The following TNS3 variants were observed in gnomAD, a reference collection of about 807,000 sequenced individuals.
TNS3 encodes tensin-3.
TNS3 carries 45 observed loss-of-function variants against 140.9 expected under a neutral mutation model. That is an observed-to-expected ratio of 0.32 (90% CI 0.25 to 0.41). The LOEUF is 0.41. Among genes scored for constraint, TNS3 ranks in the 10% least tolerant of loss-of-function variants. The pLI is 1.00. For missense variants in TNS3, 1,716 were observed against 1,906.7 expected (o/e 0.90, Z 1.86); for synonymous variants, 815 against 788.4 (o/e 1.03, Z -0.56).
intron 20 of TNS3, among the ~76,000 whole-genome samples, chr7:47,309,942 G>A (rs1275294773): frequency 2.0e-5 from 3 of 152,202 alleles, no homozygotes; most frequent in African/African-American, 7.2e-5. Flanking sequence ...AGGCAGCCAG[G>A]GCTTACTGGG....
At chr7:47,470,607 G>A in intron 4 of TNS3, 1 of 985,404 alleles carries the variant, frequency 1.0e-6, no homozygotes, top group South Asian at 4.7e-5. Context: ...ACTTTAGGAA[G>A]AGATCCCCAG....
chr7:47,483,962 G>A (rs755101412), intron 3 of TNS3, among the ~76,000 whole-genome samples: 8 of 152,208 alleles, frequency 5.3e-5, no homozygotes, highest in African/African-American at 1.9e-4. Flanking sequence ...TACGGCTCAC[G>A]TAATAGAAAC....
In TNS3 at chr7:47,389,109, C is replaced by CAGAAGCAGAAGA. The variant is rs1195199187; in HGVS notation, c.1024+7690_1024+7691insTCTTCTGCTTCT. On this transcript the variant is annotated intron_variant, in intron 16 of 30. Coordinates refer to ENST00000311160, the MANE Select transcript of TNS3 (RefSeq NM_022748.12). The stretch of plus-strand genomic sequence containing the variant: ...GAGGAAGAGGAAGAGGAAGCGGAAG[C>CAGAAGCAGAAGA]AGAAGAAGAAGAAGAAGAAGAAGAA... Among the ~76,000 whole-genome samples the CAGAAGCAGAAGA allele has an allele frequency of 3.4e-4, 20 of 59,140 alleles. 5 individuals are homozygous for CAGAAGCAGAAGA. The highest frequency in any genetic ancestry group is 1.3e-3 in the South Asian group (2 of 1,510). 38.8% of individuals were successfully genotyped at this position (59,140 alleles called of 152,430 possible). A position where few individuals can be genotyped will look rare whatever the true frequency, so the allele number is the denominator to read the frequency against.
intron 1 of TNS3, among the ~76,000 whole-genome samples, chr7:47,545,677 C>T (rs1324144544): frequency 6.6e-6 from 1 of 152,158 alleles, no homozygotes; most frequent in African/African-American, 2.4e-5. Context: ...CCTCTCTAAT[C>T]GACCCCCGTC....
rs951598949 is a variant in TNS3, at chr7:47,407,594, A to C, written c.723+4133T>G. ...TTTATTTAATAAACAGACTTGTTAC[A>C]GGCTGAATGGTGTCCTTCCAAAATC... is the stretch of plus-strand genomic sequence containing the variant. On this transcript the variant is annotated intron_variant, in intron 13 of 30. Transcript: ENST00000311160. This position sits in a 1 kb window ranked among gnomAD's most constrained non-coding sequence, Gnocchi z 4.1. Among the ~76,000 whole-genome samples the C allele has an allele frequency of 6.6e-6, 1 of 152,226 alleles. No homozygotes were observed. The highest frequency in any genetic ancestry group is 1.5e-5 in the Non-Finnish European group (1 of 68,028).
chr7:47,479,622 C>T (rs1322365259), intron 4 of TNS3, among the ~76,000 whole-genome samples: 2 of 152,220 alleles, frequency 1.3e-5, no homozygotes, highest in Admixed American at 1.3e-4. Flanking sequence ...GATGCTGCAA[C>T]ATGTTTCTCA....
At chr7:47,278,485 G>GA in intron 30 of TNS3, 1 of 424,322 alleles carries the variant, frequency 2.4e-6, no homozygotes. Context: ...CCCAGGTTAG[G>GA]ACCTGAATCA....
At chr7:47,494,745 C>T (rs1444635485) in intron 3 of TNS3, among the ~76,000 whole-genome samples, 1 of 152,126 alleles carries the variant, frequency 6.6e-6, no homozygotes, top group African/African-American at 2.4e-5. Flanking sequence ...CAGCTGCTCC[C>T]GGGAGGCGGA....
intron 20 of TNS3, among the ~76,000 whole-genome samples, chr7:47,315,161 T>C (rs1017059846): frequency 3.3e-5 from 5 of 152,242 alleles, no homozygotes; most frequent in African/African-American, 1.2e-4. Context: ...TCCTGCTGGC[T>C]CGGCCTCCTT....
chr7:47,299,461 G>A (rs950895865), intron 23 of TNS3, among the ~76,000 whole-genome samples: 1 of 152,160 alleles, frequency 6.6e-6, no homozygotes, highest in Non-Finnish European at 1.5e-5. Context: ...TTTTCTCTAA[G>A]TAGGACAAAA....
chr7:47,386,129 T>C (rs964645679), intron 16 of TNS3, among the ~76,000 whole-genome samples: 3 of 152,268 alleles, frequency 2.0e-5, no homozygotes, highest in Non-Finnish European at 4.4e-5. Flanking sequence ...TCAAAGGGTG[T>C]ATTTTCCTTG....
chr7:47,322,869 G>A (rs1387859343), intron 20 of TNS3, among the ~76,000 whole-genome samples: 3 of 152,072 alleles, frequency 2.0e-5, no homozygotes, highest in South Asian at 2.1e-4. Flanking sequence ...CGGTGGCCAC[G>A]GACCCTGCTC....
At chr7:47,420,581 C>A (rs1031361696) in intron 10 of TNS3, among the ~76,000 whole-genome samples, 5 of 152,188 alleles carry the variant, frequency 3.3e-5, no homozygotes, top group African/African-American at 1.2e-4. Context: ...CGGGCAGCCC[C>A]CTCTGAGGGA....
At chr7:47,340,058 T>C (rs1788876710) in intron 20 of TNS3, among the ~76,000 whole-genome samples, 1 of 141,282 alleles carries the variant, frequency 7.1e-6, no homozygotes, top group Admixed American at 7.4e-5. Context: ...TGTGTGTATA[T>C]ATATACATAC....
At chr7:47,522,658 G>A (rs1799025398) in intron 2 of TNS3, among the ~76,000 whole-genome samples, 1 of 152,228 alleles carries the variant, frequency 6.6e-6, no homozygotes, top group African/African-American at 2.4e-5. Context: ...GCCGGGCACG[G>A]TGGCTCACGC....
At chr7:47,404,852 C>CAGAGAGA (rs1793356478) in intron 13 of TNS3, among the ~76,000 whole-genome samples, 30 of 151,850 alleles carry the variant, frequency 2.0e-4, no homozygotes, top group Admixed American at 2.0e-3. Context: ...CCACTGTACT[C>CAGAGAGA]CAGCCTGGGT....
rs1268433552 is a variant in TNS3 at position 47,487,160 on chromosome 7, G to A, written c.-114-6019C>T. On this transcript the variant is annotated intron_variant, in intron 3 of 30. Transcript: ENST00000311160. ...CTAAAAATACAAAACTTAGCAGGGC[G>A]TGGCGGCACGTGCCTGTAATCCCAG... Among the ~76,000 whole-genome samples the A allele has an allele frequency of 2.6e-5, 4 of 152,222 alleles. No individual in the cohort carries two copies. The East Asian group carries it at 5.8e-4, about 22-fold the overall frequency.
chr7:47,293,588 G>C, intron 25 of TNS3, 145 bp downstream of exon 25: 2 of 679,112 alleles, frequency 2.9e-6, no homozygotes, highest in Non-Finnish European at 5.1e-6. Flanking sequence ...AGATAATAAT[G>C]CAGATCAGCA....
intron 1 of TNS3, among the ~76,000 whole-genome samples, chr7:47,569,294 G>A (rs1315240669): frequency 2.6e-5 from 4 of 152,220 alleles, no homozygotes; most frequent in Admixed American, 2.0e-4. Flanking sequence ...TGTAATCCGA[G>A]CACTTTGGGA....
Sources: allele counts gnomAD v4.1 joint callset (sites outside exome capture counted in the v4.1 genomes callset), GRCh38; gene constraint gnomAD v4.1.1; non-coding constraint Gnocchi (gnomAD v3.1); transcripts MANE v1.5; gene names NCBI Gene and HGNC (gene_info 2026-07-23, HGNC 2026-07-21).